PHIP: variants seen among roughly 807,000 people sequenced by gnomAD.
The protein encoded by PHIP is PH-interacting protein.
PHIP carries 54 observed loss-of-function variants against 236.8 expected under a neutral mutation model. That is an observed-to-expected ratio of 0.23 (90% CI 0.18 to 0.29). PHIP has a LOEUF of 0.29. PHIP is among the 10% of genes least tolerant of loss of function. PHIP has a pLI of 1.00. For synonymous variants in PHIP, 756 were observed against 718.9 expected, an observed-to-expected ratio of 1.05 and a Z score of -0.83; for missense variants, 1,370 against 2,190.8, an observed-to-expected ratio of 0.63 and a Z score of 7.48.
intron 4 of PHIP, among the ~76,000 whole-genome samples, chr6:79,070,252 G>T (rs1453095109): frequency 6.6e-6 from 1 of 152,092 alleles, no homozygotes; most frequent in Non-Finnish European, 1.5e-5. Context: ...TTAGTAAAAC[G>T]TTAAACTCAA....
At chr6:78,983,205 A>C (rs1768652422) in intron 22 of PHIP, 88 bp from the exon 23 acceptor site, 1 of 673,324 alleles carries the variant, frequency 1.5e-6, no homozygotes, top group Non-Finnish European at 2.4e-6. Context: ...ATTATAATAA[A>C]GAGAAATGAC....
intron 24 of PHIP, among the ~76,000 whole-genome samples, chr6:78,971,535 C>T (rs2080534138): frequency 2.0e-5 from 3 of 152,156 alleles, no homozygotes; most frequent in South Asian, 4.1e-4. Context: ...CCAAGATGGC[C>T]GAATAGGAAC....
intron 4 of PHIP, among the ~76,000 whole-genome samples, chr6:79,075,028 G>A (rs1040860671): frequency 6.6e-6 from 1 of 152,004 alleles, no homozygotes; most frequent in Non-Finnish European, 1.5e-5. Flanking sequence ...GACTCAACAA[G>A]TAATTTTCAA....
At chr6:78,958,415 G>A in intron 32 of PHIP, 60 bp downstream of exon 32, 1 of 1,053,602 alleles carries the variant, frequency 9.5e-7, no homozygotes, top group East Asian at 2.5e-5. Flanking sequence ...TATTTTAAGA[G>A]GAACTGTAGT....
rs1166681603 is a variant in PHIP at position 78,955,069 on chromosome 6, A to C, written c.3904-106T>G. ...TTGGGTAATATACAATAATTCAAAC[A>C]AAAGAAAATATTCACCAAGTTCTAA... On this transcript the variant is annotated intron_variant, in intron 34 of 39. Transcript: ENST00000275034. 1.1e-5 allele frequency: 10 copies of C among 928,868 alleles called. No homozygotes were observed. The South Asian group carries it at 1.9e-4, about 18-fold the overall frequency. The allele number at this position is 928,868 out of a possible 1,614,324, so 57.5% of individuals were successfully genotyped here.
intron 4 of PHIP, among the ~76,000 whole-genome samples, chr6:79,071,482 A>C (rs1773880380): frequency 6.6e-6 from 1 of 152,248 alleles, no homozygotes; most frequent in African/African-American, 2.4e-5. Flanking sequence ...GAATGTTCAC[A>C]TTTAAAATGT....
Position 78,955,691 on chromosome 6 carries a change from C to A in PHIP, c.3783-9G>T. On this transcript the variant is annotated splice_polypyrimidine_tract_variant and intron_variant, in intron 32 of 39. Coordinates refer to ENST00000275034, the MANE Select transcript of PHIP (RefSeq NM_017934.7). ...TATAACAAGTCTGATCCCTACATAA[C>A]AAGGAAATGTTAACATGTAAGATTA... is the stretch of plus-strand genomic sequence containing the variant. The A allele has an allele frequency of 1.1e-6, 1 of 891,974 alleles. No homozygotes were observed. The highest frequency in any genetic ancestry group is 1.7e-5 in the South Asian group (1 of 57,810). The allele number at this position is 891,974 out of a possible 1,614,324, so 55.3% of individuals were successfully genotyped here. A position where few individuals can be genotyped will look rare whatever the true frequency, so the allele number is the denominator to read the frequency against.
At chr6:78,979,665 A>ATT (rs1768377167) in intron 23 of PHIP, among the ~76,000 whole-genome samples, 1 of 152,078 alleles carries the variant, frequency 6.6e-6, no homozygotes, top group Non-Finnish European at 1.5e-5. Context: ...TTCTAAGAAC[A>ATT]TTTGAAACCT....
chr6:79,002,420 G>C (rs1468710968), intron 16 of PHIP, among the ~76,000 whole-genome samples: 2 of 151,902 alleles, frequency 1.3e-5, no homozygotes, highest in African/African-American at 2.4e-5. Context: ...AGTTACCTGT[G>C]GTCAACCTGA....
chr6:79,005,678 A>G (rs1770252585), intron 15 of PHIP, among the ~76,000 whole-genome samples: 1 of 152,086 alleles, frequency 6.6e-6, no homozygotes, highest in Non-Finnish European at 1.5e-5. Context: ...AAGTATAATT[A>G]CAAGTCTAAG....
At chr6:79,072,948 A>G (rs1241136171) in intron 4 of PHIP, among the ~76,000 whole-genome samples, 1 of 152,184 alleles carries the variant, frequency 6.6e-6, no homozygotes, top group Non-Finnish European at 1.5e-5. Flanking sequence ...AAACCCTTAC[A>G]TAGTACTTGA....
At chr6:78,980,953 G>A (rs952305054) in intron 23 of PHIP, among the ~76,000 whole-genome samples, 1 of 151,954 alleles carries the variant, frequency 6.6e-6, no homozygotes, top group East Asian at 1.9e-4. Context: ...ATCAAGACAG[G>A]TAAGTTGTAT....
At chr6:79,005,466 A>T (rs767750756) in intron 15 of PHIP, among the ~76,000 whole-genome samples, 10 of 151,990 alleles carry the variant, frequency 6.6e-5, no homozygotes, top group Non-Finnish European at 1.5e-4. Flanking sequence ...ATGAACTGTT[A>T]TAAATAAGCA....
intron 4 of PHIP, among the ~76,000 whole-genome samples, chr6:79,063,227 T>C (rs867001305): frequency 1.2e-4 from 19 of 152,310 alleles, no homozygotes; most frequent in Admixed American, 2.0e-4. Flanking sequence ...CAATACCTAA[T>C]GCAGTACTTA....
At position 78,934,600 on chromosome 6, in the gene PHIP, C is replaced by T. The variant is rs999604563; in HGVS notation, c.*6093G>A. On this transcript the variant is annotated 3_prime_UTR_variant, in exon 40 of 40. Coordinates refer to ENST00000275034, the MANE Select transcript of PHIP (RefSeq NM_017934.7). Reference sequence around the variant, plus strand: ...AGACACAGCTTGTCTGGAAGCTACACATTAAATGATGTATTCTATTTAGGG... The same window carrying T: ...AGACACAGCTTGTCTGGAAGCTACATATTAAATGATGTATTCTATTTAGGG... Among the ~76,000 whole-genome samples, 3 of 152,148 alleles carry T rather than the reference C, an allele frequency of 2.0e-5. No individual in the cohort carries two copies. Among genetic ancestry groups the T allele is most frequent in the Non-Finnish European group, 4.4e-5 (3 of 68,024 alleles).
At position 79,019,082 on chromosome 6, in the gene PHIP, A is replaced by G. The variant is rs769005568; in HGVS notation, c.994+7T>C. On this transcript the variant is annotated splice_region_variant and intron_variant, in intron 10 of 39. Transcript: ENST00000275034. ...TTAAGTCGAAAATTAGAATGAGGGA[A>G]ACTTACCAGCACTAAAAGAAGAACA... The G allele has an allele frequency of 1.0e-5, 16 of 1,604,816 alleles. No individual in the cohort carries two copies. Among genetic ancestry groups the G allele is most frequent in the Non-Finnish European group, 1.4e-5 (16 of 1,171,778 alleles).
intron 20 of PHIP, 93 bp from the exon 21 acceptor site, chr6:78,988,442 G>A: frequency 1.0e-6 from 1 of 956,152 alleles, no homozygotes; most frequent in Non-Finnish European, 1.5e-6. Context: ...AAAAATTCAA[G>A]CTGGGCATGG....
intron 36 of PHIP, 145 bp from the exon 37 acceptor site, chr6:78,947,019 ATGAAAAGGTAAAC>A (rs1280621185): frequency 2.0e-6 from 1 of 509,130 alleles, no homozygotes; most frequent in African/African-American, 2.0e-5. Context: ...TAATCTTTTG[ATGAAAAGGTAAAC>A]TGAAGCATTT....
chr6:78,939,857 C>T lies in PHIP; in HGVS notation c.*836G>A, dbSNP rs1365064479. ...AGTACCAAAAAAAGATATATCTCAG[C>T]ATAACTCTTTAATAACTTGCTCTTT... On this transcript the variant is annotated 3_prime_UTR_variant, in exon 40 of 40. Transcript: ENST00000275034. The T allele has an allele frequency of 6.6e-6, 1 of 152,416 alleles. No homozygotes were observed. The highest frequency in any genetic ancestry group is 2.4e-5 in the African/African-American group (1 of 41,416). 9.4% of individuals were successfully genotyped at this position (152,416 alleles called of 1,614,324 possible). A position where few individuals can be genotyped will look rare whatever the true frequency, so the allele number is the denominator to read the frequency against.
Sources: gnomAD v4.1 joint callset for allele counts (sites outside exome capture counted in the v4.1 genomes callset) on GRCh38, gnomAD v4.1.1 for gene constraint, MANE v1.5 for transcripts, NCBI Gene and HGNC (gene_info 2026-07-23, HGNC 2026-07-21) for gene names.